The following SYT17 variants were observed in gnomAD, a reference collection of about 807,000 sequenced individuals.
SYT17 encodes synaptotagmin 17, also known as synaptotagmin-17.
SYT17 carries 22 observed loss-of-function variants against 46.7 expected under a neutral mutation model. The ratio of observed to expected loss-of-function variants is 0.47; its 90% confidence interval spans 0.34 to 0.67. SYT17 has a LOEUF of 0.67. Ranked by LOEUF, SYT17 falls within the 30% of genes least tolerant of loss-of-function variation. The pLI is 0.01. For missense variants in SYT17, 519 were observed against 612.8 expected (o/e 0.85, Z 1.62); for synonymous variants, 251 against 248.4 (o/e 1.01, Z -0.10).
intron 5 of SYT17, among the ~76,000 whole-genome samples, chr16:19,215,117 G>A (rs1467342711): frequency 1.3e-5 from 2 of 152,212 alleles, no homozygotes; most frequent in African/African-American, 4.8e-5. Flanking sequence ...ATTCTCAAAT[G>A]TAAATCTCAG....
intron 7 of SYT17, among the ~76,000 whole-genome samples, chr16:19,254,297 T>C (rs1183937896): frequency 6.6e-6 from 1 of 152,004 alleles, no homozygotes; most frequent in Non-Finnish European, 1.5e-5. Flanking sequence ...GAAGAGGAAA[T>C]AGTAGGATCG....
intron 5 of SYT17, among the ~76,000 whole-genome samples, chr16:19,201,205 G>A (rs1048026620): frequency 2.0e-5 from 3 of 152,186 alleles, no homozygotes; most frequent in African/African-American, 7.2e-5. Flanking sequence ...CTGTTTATCT[G>A]CGGCATGGAA....
intron 7 of SYT17, among the ~76,000 whole-genome samples, chr16:19,240,913 C>T (rs2142959507): frequency 6.6e-6 from 1 of 151,720 alleles, no homozygotes; most frequent in African/African-American, 2.4e-5. Context: ...CACACCCGGC[C>T]AGGCTGCCAC....
intron 5 of SYT17, among the ~76,000 whole-genome samples, chr16:19,184,667 G>A (rs1964710433): frequency 6.6e-6 from 1 of 151,880 alleles, no homozygotes; most frequent in Non-Finnish European, 1.5e-5. Context: ...ACTCATGTGT[G>A]TGTCTTTCTG....
chr16:19,192,796 G>A (rs748470048), intron 5 of SYT17, among the ~76,000 whole-genome samples: 50 of 152,116 alleles, frequency 3.3e-4, no homozygotes, highest in Non-Finnish European at 5.7e-4. Flanking sequence ...GGGGTCGGTT[G>A]GGGGTGGTCA....
intron 7 of SYT17, among the ~76,000 whole-genome samples, chr16:19,264,614 C>G (rs1360349547): frequency 7.8e-6 from 1 of 127,466 alleles, no homozygotes; most frequent in African/African-American, 3.0e-5. Flanking sequence ...TTTTTTGAGA[C>G]AAGCAAGGTC....
intron 5 of SYT17, among the ~76,000 whole-genome samples, chr16:19,199,900 T>A (rs148585554): frequency 2.9e-4 from 44 of 152,374 alleles, no homozygotes; most frequent in African/African-American, 1.0e-3. Context: ...ATTTATTAAA[T>A]CTGGGCTGTA....
At chr16:19,216,008 A>T (rs1013303444) in intron 5 of SYT17, among the ~76,000 whole-genome samples, 2 of 152,144 alleles carry the variant, frequency 1.3e-5, no homozygotes, top group African/African-American at 4.8e-5. Flanking sequence ...CATGGGAAAG[A>T]CTTGCCTCCA....
intron 7 of SYT17, among the ~76,000 whole-genome samples, chr16:19,259,325 CTG>C (rs1968801663): frequency 6.6e-6 from 1 of 152,204 alleles, no homozygotes; most frequent in Non-Finnish European, 1.5e-5. Flanking sequence ...CATTTTTTAA[CTG>C]TGTTTGCTAC....
chr16:19,196,146 G>A (rs895009139), intron 5 of SYT17, among the ~76,000 whole-genome samples: 1 of 152,170 alleles, frequency 6.6e-6, no homozygotes, highest in African/African-American at 2.4e-5. Context: ...ACACAATTGA[G>A]GTTGAAACCA....
chr16:19,205,928 A>G (rs374198513), intron 5 of SYT17, among the ~76,000 whole-genome samples: 1 of 152,134 alleles, frequency 6.6e-6, no homozygotes, highest in Non-Finnish European at 1.5e-5. Context: ...CTCCAAAAGG[A>G]GGGGGATTTT....
At chr16:19,179,992 A>T (rs1268503510) in intron 3 of SYT17, among the ~76,000 whole-genome samples, 1 of 152,202 alleles carries the variant, frequency 6.6e-6, no homozygotes, top group Non-Finnish European at 1.5e-5. Flanking sequence ...GGACACTTGT[A>T]ACCAAAAGCA....
At chr16:19,178,865 G>A (rs1964430383) in intron 3 of SYT17, among the ~76,000 whole-genome samples, 1 of 151,932 alleles carries the variant, frequency 6.6e-6, no homozygotes, top group Non-Finnish European at 1.5e-5. Context: ...AGCTTTATGA[G>A]TATTGGGGGG....
At chr16:19,236,801 G>A (rs996971979) in intron 7 of SYT17, among the ~76,000 whole-genome samples, 2 of 152,128 alleles carry the variant, frequency 1.3e-5, no homozygotes, top group East Asian at 3.9e-4. Context: ...AGCTTGTCAC[G>A]CCTTTGGCAT....
At chr16:19,266,559 C>T (rs183887096) in intron 7 of SYT17, among the ~76,000 whole-genome samples, 20 of 152,154 alleles carry the variant, frequency 1.3e-4, no homozygotes, top group African/African-American at 2.4e-4. Context: ...GTGGGACATA[C>T]GTTTAAGGCT....
rs991373825 is a variant in SYT17, at chr16:19,180,424, C to T, written c.216C>T (p.Asp72=). 6.2e-7 allele frequency: 1 copy of T among 1,614,202 alleles called. No individual in the cohort carries two copies. The highest frequency in any genetic ancestry group is 1.7e-5 in the Admixed American group (1 of 60,034). ...MASRSSDKDG[D]SVHTASEVPL... ...GCCGGAGCAGTGACAAGGATGGTGA[C>T]TCTGTCCACACGGCCAGCGAAGTCC... The change falls in exon 4 of 8, where the codon GAC becomes GAT. Residue 72 remains aspartate (D), a synonymous_variant. Transcript: ENST00000355377.
intron 7 of SYT17, among the ~76,000 whole-genome samples, chr16:19,236,432 G>C (rs777401943): frequency 7.9e-5 from 12 of 152,154 alleles, no homozygotes; most frequent in African/African-American, 2.7e-4. Context: ...TGCAGAGTGA[G>C]AGAACAGTTC....
chr16:19,200,553 A>G (rs1965421105), intron 5 of SYT17, among the ~76,000 whole-genome samples: 1 of 152,180 alleles, frequency 6.6e-6, no homozygotes, highest in Non-Finnish European at 1.5e-5. Flanking sequence ...ACTGACAGCA[A>G]AGCCTTAGAA....
intron 5 of SYT17, among the ~76,000 whole-genome samples, chr16:19,218,496 G>A (rs571865388): frequency 2.3e-4 from 35 of 152,274 alleles, no homozygotes; most frequent in African/African-American, 3.8e-4. Context: ...TATCTGCAAA[G>A]GGAAGAAGGA....
Sources: gnomAD v4.1 joint callset for allele counts (sites outside exome capture counted in the v4.1 genomes callset) on GRCh38, gnomAD v4.1.1 for gene constraint, MANE v1.5 for transcripts, NCBI Gene and HGNC (gene_info 2026-07-23, HGNC 2026-07-21) for gene names.